Variants in RSF1 observed in about 807,000 individuals in gnomAD.
The protein encoded by RSF1 is HBV pX-associated protein 8.
Under a neutral mutation model 145.2 loss-of-function variants are expected in RSF1, and 13 were observed. The ratio of observed to expected loss-of-function variants is 0.09; its 90% CI spans 0.06 to 0.14. The LOEUF (loss-of-function observed/expected upper bound fraction) is 0.14. Ranked by LOEUF, RSF1 falls within the 10% of genes least tolerant of loss-of-function variation. RSF1 has a pLI of 1.00. For missense variants in RSF1, 1,517 were observed against 1,718.2 expected, an observed-to-expected ratio of 0.88 and a Z score of 2.07; for synonymous variants, 577 against 592.6, an observed-to-expected ratio of 0.97 and a Z score of 0.38.
At chr11:77,793,290 GT>G (rs1948538819) in intron 1 of RSF1, among the ~76,000 whole-genome samples, 1 of 152,100 alleles carries the variant, frequency 6.6e-6, no homozygotes, top group Non-Finnish European at 1.5e-5. Context: ...AACCAGCCTT[GT>G]CTACATAGCA....
At chr11:77,805,473 A>T (rs1436049403) in intron 1 of RSF1, among the ~76,000 whole-genome samples, 2 of 152,180 alleles carry the variant, frequency 1.3e-5, no homozygotes, top group African/African-American at 4.8e-5. Flanking sequence ...AAGAAAAGAC[A>T]GATTATCTCA....
chr11:77,820,619 G>A lies in RSF1; in HGVS notation c.96C>T (p.Arg32=). The change falls in exon 1 of 16, where the codon CGC becomes CGT. Residue 32 remains arginine (R), a synonymous_variant. Transcript: ENST00000308488. ...CAGGCAGGTCTAGCAGCGGCCCGTA[G>A]CGCTCCAAGAAGGAGCAGACTACGG... ...NFAVVCSFLE[R]YGPLLDLPEL... 1 of 1,567,458 alleles carries A rather than the reference G, an allele frequency of 6.4e-7. No homozygotes were observed. Among genetic ancestry groups the A allele is most frequent in the Non-Finnish European group, 8.6e-7 (1 of 1,157,828 alleles).
the RSF1 span, among the ~76,000 whole-genome samples, chr11:77,826,471 C>T: frequency 6.6e-6 from 1 of 152,120 alleles, no homozygotes; most frequent in East Asian, 1.9e-4. Flanking sequence ...GGATAATCAT[C>T]GGCAGTTTGA....
the RSF1 span, among the ~76,000 whole-genome samples, chr11:77,834,706 C>T: frequency 8.2e-4 from 124 of 152,146 alleles, no homozygotes; most frequent in Non-Finnish European, 1.4e-3. Context: ...TGAGCCACTG[C>T]GCCTGGCCAA....
chr11:77,692,677 C>T (rs550009033), intron 8 of RSF1, among the ~76,000 whole-genome samples: 32 of 105,700 alleles, frequency 3.0e-4, no homozygotes, highest in South Asian at 2.7e-3. Context: ...CCATGCCTGG[C>T]GGTGTTTTTT....
chr11:77,855,089 G>A, the RSF1 span, among the ~76,000 whole-genome samples: 3 of 152,190 alleles, frequency 2.0e-5, no homozygotes, highest in South Asian at 4.1e-4. Context: ...TGGCCGTGAT[G>A]CAGGGTGCTA....
rs527407487 is a variant in RSF1, at chr11:77,743,191, C to G, written c.373-2255G>C. On this transcript the variant is annotated intron_variant, in intron 3 of 15. Transcript: ENST00000308488. ...GTAGTATGATGCCTCCAGTTTTGTT[C>G]TTCTGGCTCAAGACTGCTTTAGTTA... 7.9e-5 allele frequency among the ~76,000 whole-genome samples: 12 copies of G among 152,270 alleles called. No individual in the cohort carries two copies. In the East Asian group the frequency reaches 2.3e-3, roughly 29 times the overall value.
intron 1 of RSF1, chr11:77,813,727 TAGTG>T (rs1353133520): frequency 3.4e-5 from 13 of 387,190 alleles, no homozygotes; most frequent in East Asian, 2.3e-4. Context: ...GAGCGAACAG[TAGTG>T]AGTAAGGAGC....
chr11:77,714,832 A>G (rs1010946209), intron 5 of RSF1, among the ~76,000 whole-genome samples: 1 of 151,824 alleles, frequency 6.6e-6, no homozygotes, highest in Non-Finnish European at 1.5e-5. Context: ...CAGAGCATAA[A>G]CCTTGTCTTT....
chr11:77,828,861 A>G, the RSF1 span, among the ~76,000 whole-genome samples: 1 of 152,192 alleles, frequency 6.6e-6, no homozygotes, highest in African/African-American at 2.4e-5. Flanking sequence ...CTTTGCAGAA[A>G]TTGACAAGTT....
intron 1 of RSF1, among the ~76,000 whole-genome samples, chr11:77,806,069 A>G (rs796073483): frequency 1.3e-5 from 2 of 152,290 alleles, no homozygotes; most frequent in African/African-American, 4.8e-5. Context: ...TAGGAATGTA[A>G]TATTATAACA....
intron 1 of RSF1, among the ~76,000 whole-genome samples, chr11:77,785,900 T>C (rs1392224428): frequency 5.6e-5 from 6 of 107,260 alleles, no homozygotes; most frequent in Non-Finnish European, 1.0e-4. Context: ...CACTCCAACC[T>C]GGGCGACAGA....
the RSF1 span, among the ~76,000 whole-genome samples, chr11:77,856,977 C>T: frequency 5.9e-5 from 9 of 152,146 alleles, no homozygotes; most frequent in African/African-American, 2.2e-4. Flanking sequence ...ATGTTAGAAT[C>T]CTTCATTTAA....
At chr11:77,748,530 A>G (rs1183161510) in intron 2 of RSF1, among the ~76,000 whole-genome samples, 4 of 152,164 alleles carry the variant, frequency 2.6e-5, no homozygotes, top group African/African-American at 9.7e-5. Context: ...TACGTTTTTC[A>G]GAGAGAAAAA....
rs529564795 is a variant in RSF1 at position 77,802,793 on chromosome 11, C to T, written c.187+17735G>A. 1.1e-4 allele frequency among the ~76,000 whole-genome samples: 16 copies of T among 152,230 alleles called. No individual in the cohort carries two copies. In the South Asian group the frequency reaches 1.2e-3, roughly 12 times the overall value. On this transcript the variant is annotated intron_variant, in intron 1 of 15. Transcript: ENST00000308488. ...CTCGAACTCCTGACCTCAGGTGATC[C>T]ATCCGCCTTGGCCTCCCAAAGTGCT... is the stretch of plus-strand genomic sequence containing the variant.
In RSF1 at chr11:77,676,752, C is replaced by T. The variant is rs766681777; in HGVS notation, c.3341+40G>A. ...CTCTGCTAGCCCAGTCCTGTTCCTG[C>T]TGGTATCTAGGGATCGGGGCCTAGT... On this transcript the variant is annotated intron_variant, in intron 13 of 15. Coordinates refer to ENST00000308488, the MANE Select transcript of RSF1 (RefSeq NM_016578.4). The T allele has an allele frequency of 9.5e-6, 15 of 1,575,728 alleles. No individual in the cohort carries two copies. The South Asian group carries it at 1.3e-4, about 13-fold the overall frequency.
At chr11:77,827,199 T>C in the RSF1 span, among the ~76,000 whole-genome samples, 24 of 152,200 alleles carry the variant, frequency 1.6e-4, no homozygotes, top group African/African-American at 5.3e-4. Context: ...GGCTTCATGG[T>C]CAGTTCTACC....
At chr11:77,697,666 C>T (rs914091602) in intron 7 of RSF1, among the ~76,000 whole-genome samples, 2 of 150,254 alleles carry the variant, frequency 1.3e-5, no homozygotes, top group Admixed American at 6.6e-5. Flanking sequence ...ATCTGGTCTA[C>T]AATTTATTCT....
chr11:77,680,280 A>C (rs1959823030), intron 11 of RSF1, among the ~76,000 whole-genome samples: 1 of 151,912 alleles, frequency 6.6e-6, no homozygotes, highest in Non-Finnish European at 1.5e-5. Flanking sequence ...AAAAATAAAA[A>C]ATTAAAAAAA....
Sources: allele counts gnomAD v4.1 joint callset (sites outside exome capture counted in the v4.1 genomes callset), GRCh38; gene constraint gnomAD v4.1.1; transcripts MANE v1.5; gene names NCBI Gene and HGNC (gene_info 2026-07-23, HGNC 2026-07-21).